The following LPAR1 variants were observed in gnomAD, a reference collection of about 807,000 sequenced individuals.
The protein encoded by LPAR1 is lysophosphatidic acid receptor 1, also known as LPA receptor 1.
A neutral mutation model predicts 23.8 loss-of-function variants in LPAR1; 5 were observed. The observed-to-expected ratio is 0.21, with a 90% CI of 0.11 to 0.44. The LOEUF (loss-of-function observed/expected upper bound fraction) is 0.44, where lower values mean the gene tolerates loss of function less well. LPAR1 is among the 20% of genes least tolerant of loss of function. The pLI is 0.99. For missense variants in LPAR1, 311 were observed against 482.8 expected, an observed-to-expected ratio of 0.64 and a Z score of 3.33; for synonymous variants, 160 against 164.7, an observed-to-expected ratio of 0.97 and a Z score of 0.22.
intron 5 of LPAR1, among the ~76,000 whole-genome samples, chr9:110,902,563 C>T (rs897333207): frequency 6.6e-6 from 1 of 152,106 alleles, no homozygotes; most frequent in African/African-American, 2.4e-5. Context: ...TCAATTAAAC[C>T]TCTTTCCTTT....
chr9:110,875,687 A>G lies in LPAR1; in HGVS notation c.829T>C (p.Leu277=), dbSNP rs1210527276. 1.2e-6 allele frequency: 2 copies of G among 1,610,522 alleles called. No homozygotes were observed. The highest frequency in any genetic ancestry group is 1.7e-6 in the Non-Finnish European group (2 of 1,177,398). Residue 277 remains leucine, a synonymous_variant, in exon 6 of 6, where the codon TTG becomes CTG. Coordinates refer to ENST00000683809, the MANE Select transcript of LPAR1 (RefSeq NM_001351411.2). Reference sequence around the variant, plus strand: ...GGACAGCACACGTCTAGAAGTAACAAAACCAATCCAGGAGTCCAGCAGATG... The same window carrying G: ...GGACAGCACACGTCTAGAAGTAACAGAACCAATCCAGGAGTCCAGCAGATG... ...FIICWTPGLV[L]LLLDVCCPQC...
rs1416316071 is a variant in LPAR1, at chr9:110,941,188, A to T, written c.793+233T>A. 6.6e-6 allele frequency among the ~76,000 whole-genome samples: 1 copy of T among 152,194 alleles called. No homozygotes were observed. Among genetic ancestry groups the T allele is most frequent in the Non-Finnish European group, 1.5e-5 (1 of 68,036 alleles). On this transcript the variant is annotated intron_variant, in intron 5 of 5. Coordinates refer to ENST00000683809, the MANE Select transcript of LPAR1 (RefSeq NM_001351411.2). This position sits in a 1 kb window ranked among gnomAD's most constrained non-coding sequence, Gnocchi z 6.1. The stretch of plus-strand genomic sequence containing the variant: ...CAAACTCTTCAATGACATCTTTTAC[A>T]TCATCATCATTTATACTGCACCACT...
chr9:111,024,984 A>C (rs1177863809), intron 2 of LPAR1, among the ~76,000 whole-genome samples: 1 of 152,168 alleles, frequency 6.6e-6, no homozygotes, highest in Non-Finnish European at 1.5e-5. Flanking sequence ...AGTCTTTGCT[A>C]TTGTAAATAG....
intron 2 of LPAR1, among the ~76,000 whole-genome samples, chr9:111,014,235 T>C (rs1190581002): frequency 2.0e-5 from 3 of 152,184 alleles, no homozygotes; most frequent in African/African-American, 7.2e-5. Context: ...TCCAGAGGCC[T>C]TGTGGGGAAA....
intron 5 of LPAR1, among the ~76,000 whole-genome samples, chr9:110,880,079 A>G (rs757927620): frequency 2.6e-5 from 4 of 152,246 alleles, no homozygotes; most frequent in Admixed American, 6.5e-5. Flanking sequence ...ACTGTCTCAC[A>G]GCACGCTGAA....
intron 5 of LPAR1, among the ~76,000 whole-genome samples, chr9:110,877,981 A>G (rs1337627164): frequency 6.6e-6 from 1 of 152,180 alleles, no homozygotes; most frequent in African/African-American, 2.4e-5. Context: ...CATAAGCCTT[A>G]CTTTTAGACC....
At chr9:110,912,458 C>T (rs1412156894) in intron 5 of LPAR1, among the ~76,000 whole-genome samples, 1 of 152,168 alleles carries the variant, frequency 6.6e-6, no homozygotes, top group African/African-American at 2.4e-5. Flanking sequence ...GGGCAAAGAC[C>T]TTTTGGCTGA....
intron 2 of LPAR1, among the ~76,000 whole-genome samples, chr9:111,005,546 C>CAAAAAA (rs60143050): frequency 5.1e-4 from 36 of 70,344 alleles, no homozygotes; most frequent in African/African-American, 6.6e-4. Context: ...GACCCTGTCT[C>CAAAAAA]AAAAAAAAAA....
At chr9:110,938,413 A>C (rs2094867282) in intron 5 of LPAR1, among the ~76,000 whole-genome samples, 1 of 152,228 alleles carries the variant, frequency 6.6e-6, no homozygotes, top group African/African-American at 2.4e-5. Context: ...AGGAATCATA[A>C]TACATTTGCA....
At chr9:110,887,752 C>T (rs537941978) in intron 5 of LPAR1, among the ~76,000 whole-genome samples, 1 of 152,220 alleles carries the variant, frequency 6.6e-6, no homozygotes, top group East Asian at 1.9e-4. Context: ...AAATTGACAA[C>T]ACCAAGTCTA....
chr9:110,998,729 G>A (rs889761764), intron 2 of LPAR1, among the ~76,000 whole-genome samples: 1 of 152,142 alleles, frequency 6.6e-6, no homozygotes, highest in Non-Finnish European at 1.5e-5. Context: ...ATTTAGTTTT[G>A]ACAAAGTCAA....
intron 5 of LPAR1, among the ~76,000 whole-genome samples, chr9:110,877,089 C>T (rs371181687): frequency 6.6e-6 from 1 of 152,144 alleles, no homozygotes; most frequent in African/African-American, 2.4e-5. Context: ...ATTTAAATGG[C>T]GCTGGCTTTG....
chr9:110,972,099 A>C lies in LPAR1; in HGVS notation c.19T>G (p.Ser7Ala). The change falls in exon 4 of 6, where the codon TCC (serine) becomes GCC (alanine). Residue 7 changes from serine (S) to alanine (A), a missense_variant. This residue lies in a region of LPAR1 where 61 missense variants were observed against 55.6 expected (regional missense o/e 1.10). Coordinates refer to ENST00000683809, the MANE Select transcript of LPAR1 (RefSeq NM_001351411.2). ...TGGGGCTGTGAAATTACAGGGATGG[A>C]AGTAGAGATGGCAGCCATGACAGCT... MAAISTSIPVISQPQFT... is the reference protein window; with the variant it reads MAAISTAIPVISQPQFT... 6.2e-7 allele frequency: 1 copy of C among 1,613,950 alleles called. No homozygotes were observed.
chr9:111,005,543 T>C (rs1340026933), intron 2 of LPAR1, among the ~76,000 whole-genome samples: 1 of 66,992 alleles, frequency 1.5e-5, no homozygotes, highest in African/African-American at 9.8e-5. Flanking sequence ...TGAGACCCTG[T>C]CTCAAAAAAA....
chr9:110,983,551 C>T (rs371804958), intron 2 of LPAR1, among the ~76,000 whole-genome samples: 12 of 151,908 alleles, frequency 7.9e-5, no homozygotes, highest in African/African-American at 1.9e-4. Context: ...TTTTACAAGA[C>T]GAAAAGAGTT....
rs1244814820 is a variant in LPAR1, at chr9:110,941,189, T to A, written c.793+232A>T. Among the ~76,000 whole-genome samples, 1 of 152,158 alleles carries A rather than the reference T, an allele frequency of 6.6e-6. No individual in the cohort carries two copies. Among genetic ancestry groups the A allele is most frequent in the East Asian group, 1.9e-4 (1 of 5,200 alleles). On this transcript the variant is annotated intron_variant, in intron 5 of 5. Coordinates refer to ENST00000683809, the MANE Select transcript of LPAR1 (RefSeq NM_001351411.2). The surrounding 1 kb of genome is among the most constrained non-coding windows in gnomAD (Gnocchi z 6.1). Reference sequence around the variant, plus strand: ...AAACTCTTCAATGACATCTTTTACATCATCATCATTTATACTGCACCACTG... The same window carrying A: ...AAACTCTTCAATGACATCTTTTACAACATCATCATTTATACTGCACCACTG...
At chr9:110,996,076 A>G (rs1322771830) in intron 2 of LPAR1, among the ~76,000 whole-genome samples, 2 of 152,158 alleles carry the variant, frequency 1.3e-5, no homozygotes, top group Non-Finnish European at 2.9e-5. Context: ...AACAGCTGTG[A>G]GGCCCCACTT....
intron 2 of LPAR1, among the ~76,000 whole-genome samples, chr9:111,029,579 C>T (rs1295091109): frequency 6.6e-6 from 1 of 152,010 alleles, no homozygotes; most frequent in Non-Finnish European, 1.5e-5. Flanking sequence ...AAGTCATTTC[C>T]CTCCTCTAAG....
intron 2 of LPAR1, among the ~76,000 whole-genome samples, chr9:111,010,877 G>T (rs1284747363): frequency 6.6e-6 from 1 of 152,112 alleles, no homozygotes; most frequent in Non-Finnish European, 1.5e-5. Context: ...CCCTAAAGAA[G>T]AATACCAAAT....
Sources: allele counts gnomAD v4.1 joint callset (sites outside exome capture counted in the v4.1 genomes callset), GRCh38; gene constraint gnomAD v4.1.1; regional missense constraint gnomAD v4.1.1; non-coding constraint Gnocchi (gnomAD v3.1); transcripts MANE v1.5; gene names NCBI Gene and HGNC (gene_info 2026-07-23, HGNC 2026-07-21).